Variants in TNRC18 observed in about 807,000 individuals in gnomAD.
TNRC18 encodes the protein trinucleotide repeat-containing gene 18 protein.
Under a neutral mutation model 226.7 loss-of-function variants are expected in TNRC18, and 69 were observed. That is an observed-to-expected ratio of 0.30 (90% confidence interval 0.25 to 0.37). The LOEUF (loss-of-function observed/expected upper bound fraction) is 0.37, where lower values mean the gene tolerates loss of function less well. Ranked by LOEUF, TNRC18 falls within the 10% of genes least tolerant of loss-of-function variation. TNRC18 has a pLI of 1.00. For missense variants in TNRC18, 4,754 were observed against 4,256.6 expected, an observed-to-expected ratio of 1.12 and a Z score of -3.25; for synonymous variants, 2,449 against 1,927.6, an observed-to-expected ratio of 1.27 and a Z score of -7.09.
intron 1 of TNRC18, among the ~76,000 whole-genome samples, chr7:5,422,098 C>A (rs899275827): frequency 2.0e-5 from 3 of 152,096 alleles, no homozygotes; most frequent in Non-Finnish European, 2.9e-5. Context: ...CGTGGTCCCC[C>A]CCCTTTCTCC....
chr7:5,311,673 G>T (rs913008746), intron 27 of TNRC18, among the ~76,000 whole-genome samples: 2 of 151,892 alleles, frequency 1.3e-5, no homozygotes, highest in African/African-American at 4.8e-5. Flanking sequence ...AAATCAGCTG[G>T]GTAGCATGGT....
chr7:5,331,565 C>T (rs1311219600), intron 19 of TNRC18, among the ~76,000 whole-genome samples: 1 of 152,190 alleles, frequency 6.6e-6, no homozygotes, highest in African/African-American at 2.4e-5. Flanking sequence ...ACGGAAACCA[C>T]AGAGACTTGC....
rs1369749386 is a variant in TNRC18, at chr7:5,388,026, C to T, written c.1798G>A (p.Val600Met). ...CCACAGCCACCAGGGCGCACGGCCACGGCGTCCCGGGCAAAGCTGCCACTG... is the reference window on the plus strand; with the variant it reads ...CCACAGCCACCAGGGCGCACGGCCATGGCGTCCCGGGCAAAGCTGCCACTG... Reference protein sequence around the residue: ...KYSGSFARDAVAVRPGGCGKK... With the variant: ...KYSGSFARDAMAVRPGGCGKK... Residue 600 changes from valine to methionine, a missense_variant, in exon 5 of 30, where the codon GTG (valine) becomes ATG (methionine). Coordinates refer to ENST00000430969, the MANE Select transcript of TNRC18 (RefSeq NM_001080495.3). 3.2e-6 allele frequency: 5 copies of T among 1,567,898 alleles called. No individual in the cohort carries two copies. Among genetic ancestry groups the T allele is most frequent in the East Asian group, 2.4e-5 (1 of 42,250 alleles).
At chr7:5,385,494 C>CAAAA (rs60919833) in intron 5 of TNRC18, among the ~76,000 whole-genome samples, 8 of 88,112 alleles carry the variant, frequency 9.1e-5, no homozygotes, top group South Asian at 3.7e-4. Context: ...GACTCCGTCT[C>CAAAA]AAAAAAAAAA....
intron 5 of TNRC18, among the ~76,000 whole-genome samples, chr7:5,380,248 C>A (rs889835446): frequency 6.6e-6 from 1 of 152,168 alleles, no homozygotes; most frequent in African/African-American, 2.4e-5. Context: ...GAGTTTGAGA[C>A]CAATCTGGGC....
rs4724668 is a variant in TNRC18 at position 5,394,504 on chromosome 7, A to G, written c.279T>C (p.Ser93=). The G allele has an allele frequency of 0.81, 1,258,679 of 1,558,622 alleles. 511,539 individuals carry two copies. Among genetic ancestry groups the G allele is most frequent in the East Asian group, 1 (41,243 of 41,268 alleles). The part of the protein sequence containing the change: ...GSPVPLPSDL[S]FRSPTPSNLP... Reference sequence around the variant, plus strand: ...GGTTGCTAGGGGTTGGGGAGCGGAAAGACAGGTCAGAGGGCAGTGGCACTG... The same window carrying G: ...GGTTGCTAGGGGTTGGGGAGCGGAAGGACAGGTCAGAGGGCAGTGGCACTG... The change falls in exon 3 of 30, where the codon TCT becomes TCC. Residue 93 remains serine (S), a synonymous_variant. Transcript: ENST00000430969. The surrounding 1 kb of genome is among the most constrained non-coding windows in gnomAD (Gnocchi z 4.5).
intron 2 of TNRC18, among the ~76,000 whole-genome samples, chr7:5,406,867 GAAAGAAAAGAAA>G (rs1049334505): frequency 6.7e-5 from 10 of 150,302 alleles, no homozygotes; most frequent in Non-Finnish European, 5.9e-5. Flanking sequence ...AAAAAAGAAA[GAAAGAAAAGAAA>G]AAAGAAAAGA....
chr7:5,332,675 G>A lies in TNRC18; in HGVS notation c.6094C>T (p.Leu2032=). ...KTSRCAKGGP[L]SPRKDAGRAK... ...CGCCCGGCGTCCTTGCGCGGGCTCA[G>A]GGGGCCGCCCTTGGCGCAGCGGCTG... is the stretch of plus-strand genomic sequence containing the variant. Residue 2032 remains leucine (L), a synonymous_variant, in exon 19 of 30, where the codon CTG becomes TTG. Coordinates refer to ENST00000430969, the MANE Select transcript of TNRC18 (RefSeq NM_001080495.3). 6.5e-7 allele frequency: 1 copy of A among 1,529,854 alleles called. No individual in the cohort carries two copies. Among genetic ancestry groups the A allele is most frequent in the Non-Finnish European group, 8.8e-7 (1 of 1,141,302 alleles). 94.8% of individuals were successfully genotyped at this position (1,529,854 alleles called of 1,614,324 possible).
At chr7:5,308,703 C>T (rs779396933) in intron 29 of TNRC18, among the ~76,000 whole-genome samples, 172 bp downstream of exon 29, 3 of 152,124 alleles carry the variant, frequency 2.0e-5, no homozygotes, top group African/African-American at 7.2e-5. Context: ...ACGCACAGAC[C>T]AGAGAGACAG....
chr7:5,309,494 G>T lies in TNRC18; in HGVS notation c.8389-126C>A. 2 of 767,762 alleles carry T rather than the reference G, an allele frequency of 2.6e-6. No individual in the cohort carries two copies. Among genetic ancestry groups the T allele is most frequent in the African/African-American group, 1.8e-5 (1 of 56,974 alleles). The allele number at this position is 767,762 out of a possible 1,614,324, so 47.6% of individuals were successfully genotyped here. A position where few individuals can be genotyped will look rare whatever the true frequency, so the allele number is the denominator to read the frequency against. ...AAATCAACCCCTATCCAACTGTGGG[G>T]AGATGAGGAAGCTCCTTGTCTCGCT... On this transcript the variant is annotated intron_variant, in intron 27 of 29. Transcript: ENST00000430969. This position sits in a 1 kb window ranked among gnomAD's most constrained non-coding sequence, Gnocchi z 5.7.
Position 5,345,707 on chromosome 7 carries a change from C to T in TNRC18, c.5574G>A (p.Pro1858=), listed in dbSNP as rs550913567. The T allele has an allele frequency of 4.4e-5, 68 of 1,549,006 alleles. No homozygotes were observed. The African/African-American group carries it at 7.0e-4, about 16-fold the overall frequency. Residue 1858 remains proline (P), a synonymous_variant, in exon 18 of 30, where the codon CCG becomes CCA. Coordinates refer to ENST00000430969, the MANE Select transcript of TNRC18 (RefSeq NM_001080495.3). ...GGCCCAGCCCACTCTCCTCCAGGCC[C>T]GGTGACAGGGCCCGCTCCCGGGCAC... ...RLGARERALS[P]GLEESGLGLL...
At chr7:5,322,911 A>G (rs1027862136) in intron 21 of TNRC18, among the ~76,000 whole-genome samples, 20 of 152,208 alleles carry the variant, frequency 1.3e-4, no homozygotes, top group African/African-American at 4.3e-4. Flanking sequence ...TGTGGCTCTC[A>G]GAAGTGGCCG....
intron 26 of TNRC18, among the ~76,000 whole-genome samples, chr7:5,314,636 G>C (rs1234871280): frequency 7.0e-6 from 1 of 143,552 alleles, no homozygotes. Flanking sequence ...GTAATGGTGC[G>C]ATCTTGGCTC....
At chr7:5,407,380 AGGAG>A (rs1427904216) in intron 2 of TNRC18, 3 of 152,392 alleles carry the variant, frequency 2.0e-5, no homozygotes, top group Non-Finnish European at 2.9e-5. Context: ...GGCCCCAGGG[AGGAG>A]GGAGGCCCAC....
rs766258880 is a variant in TNRC18, at chr7:5,313,787, G to A, written c.7104C>T (p.Ser2368=). 5.9e-6 allele frequency: 9 copies of A among 1,537,606 alleles called. No homozygotes were observed. Among genetic ancestry groups the A allele is most frequent in the South Asian group, 5.0e-5 (4 of 79,576 alleles). ...PSTPLALEPS[S]TPGSKKSPPE... ...GGGGGCTCTTCTTGGAACCTGGGGTGCTGCTCGGCTCCAGGGCTAAGGGGG... is the reference window on the plus strand; with the variant it reads ...GGGGGCTCTTCTTGGAACCTGGGGTACTGCTCGGCTCCAGGGCTAAGGGGG... The change falls in exon 27 of 30, where the codon AGC becomes AGT. Residue 2368 remains serine, a synonymous_variant. Transcript: ENST00000430969.
At chr7:5,345,306 CTG>C (rs1433365313) in intron 18 of TNRC18, among the ~76,000 whole-genome samples, 1 of 152,220 alleles carries the variant, frequency 6.6e-6, no homozygotes, top group Non-Finnish European at 1.5e-5. Context: ...CAAAACAGGG[CTG>C]TGTTTGCTGG....
intron 17 of TNRC18, among the ~76,000 whole-genome samples, chr7:5,349,341 G>A (rs1288256498): frequency 2.0e-5 from 3 of 152,216 alleles, no homozygotes; most frequent in Admixed American, 2.0e-4. Flanking sequence ...AGGCAATGCA[G>A]CTTGCCGAGG....
rs1490014218 is a variant in TNRC18, at chr7:5,345,783, T to C, written c.5498A>G (p.Glu1833Gly). Reference sequence around the variant, plus strand: ...CTCGTCCTCCTCCTCGAGCTCCTCCTCCTCGTCCTCCTCCTCCGAGCTCTC... The same window carrying C: ...CTCGTCCTCCTCCTCGAGCTCCTCCCCCTCGTCCTCCTCCTCCGAGCTCTC... ...QDESSEEEDE[E>G]EELEEEDEAS... The change falls in exon 18 of 30, where the codon GAG becomes GGG. Residue 1833 changes from glutamate to glycine, a missense_variant. Physicochemically the swap from Glu to Gly is moderately conservative, Grantham distance 98. Transcript: ENST00000430969. 1 of 1,545,080 alleles carries C rather than the reference T, an allele frequency of 6.5e-7. No individual in the cohort carries two copies.
intron 17 of TNRC18, among the ~76,000 whole-genome samples, chr7:5,346,902 C>G (rs1791251835): frequency 6.6e-6 from 1 of 152,202 alleles, no homozygotes; most frequent in Admixed American, 6.5e-5. Context: ...AGGAACTGTG[C>G]TGTCCCCATG....
Sources: allele counts gnomAD v4.1 joint callset (sites outside exome capture counted in the v4.1 genomes callset), GRCh38; gene constraint gnomAD v4.1.1; non-coding constraint Gnocchi (gnomAD v3.1); transcripts MANE v1.5; gene names NCBI Gene and HGNC (gene_info 2026-07-23, HGNC 2026-07-21).